Variants in UTP15 observed in about 807,000 individuals in gnomAD.
UTP15 encodes the protein U3 small nucleolar RNA-associated protein 15 homolog.
Under a neutral mutation model 59.1 loss-of-function variants are expected in UTP15, and 5 were observed. The ratio of observed to expected loss-of-function variants is 0.08; its 90% confidence interval spans 0.04 to 0.18. The LOEUF (loss-of-function observed/expected upper bound fraction) is 0.18. Among genes scored for constraint, UTP15 ranks in the 10% least tolerant of loss-of-function variants. UTP15 has a pLI of 1.00. For synonymous variants in UTP15, 211 were observed against 212.2 expected (o/e 0.99, Z 0.05); for missense variants, 494 against 616.7 (o/e 0.80, Z 2.11).
chr5:73,570,841 A>T, intron 6 of UTP15, 130 bp downstream of exon 6: 1 of 1,292,906 alleles, frequency 7.7e-7, no homozygotes. Flanking sequence ...AACAGTTGAT[A>T]GGTAGGACTG....
At position 73,565,750 on chromosome 5, in the gene UTP15, C is replaced by T. The variant is rs1310087676; in HGVS notation, c.-246C>T. ...TCATGAGCGTGCTCTGGTACGTCATCTTCGCGCGACGTTCGGTTCGCTGTG... is the reference window on the plus strand; with the variant it reads ...TCATGAGCGTGCTCTGGTACGTCATTTTCGCGCGACGTTCGGTTCGCTGTG... On this transcript the variant is annotated 5_prime_UTR_variant, in exon 1 of 13. Coordinates refer to ENST00000296792, the MANE Select transcript of UTP15 (RefSeq NM_032175.4). 14 of 456,092 alleles carry T rather than the reference C, an allele frequency of 3.1e-5. No homozygotes were observed. The Middle Eastern group carries it at 1.6e-3, about 53-fold the overall frequency. The allele number at this position is 456,092 out of a possible 1,614,324, so 28.3% of individuals were successfully genotyped here.
At position 73,565,755 on chromosome 5, in the gene UTP15, C is replaced by T. The variant is rs16870592; in HGVS notation, c.-241C>T. The T allele has an allele frequency of 0.03, 13,747 of 456,074 alleles. 1,578 individuals are homozygous for T. Among genetic ancestry groups the T allele is most frequent in the African/African-American group, 0.24 (12,147 of 50,080 alleles). The allele number at this position is 456,074 out of a possible 1,614,324, so 28.3% of individuals were successfully genotyped here. On this transcript the variant is annotated 5_prime_UTR_variant, in exon 1 of 13. Transcript: ENST00000296792. ...AGCGTGCTCTGGTACGTCATCTTCG[C>T]GCGACGTTCGGTTCGCTGTGTGTGT...
Position 73,565,903 on chromosome 5 carries a change from C to T in UTP15, c.-93C>T, listed in dbSNP as rs1211124827. 1 of 456,252 alleles carries T rather than the reference C, an allele frequency of 2.2e-6. No homozygotes were observed. Among genetic ancestry groups the T allele is most frequent in the Admixed American group, 2.3e-5 (1 of 42,586 alleles). 28.3% of individuals were successfully genotyped at this position (456,252 alleles called of 1,614,324 possible). A position where few individuals can be genotyped will look rare whatever the true frequency, so the allele number is the denominator to read the frequency against. On this transcript the variant is annotated 5_prime_UTR_variant, in exon 1 of 13. Transcript: ENST00000296792. Reference sequence around the variant, plus strand: ...AGGTGTCTCGTCGGACCCTTTGGGGCTCAGTGGAGGTAGGTGAAGGCGGCT... The same window carrying T: ...AGGTGTCTCGTCGGACCCTTTGGGGTTCAGTGGAGGTAGGTGAAGGCGGCT...
chr5:73,566,258 G>A (rs1747758859), intron 1 of UTP15: 1 of 211,348 alleles, frequency 4.7e-6, no homozygotes, highest in African/African-American at 2.3e-5. Context: ...CTATTTGGAT[G>A]TTAGGAGTGA....
At position 73,583,048 on chromosome 5, in the gene UTP15, G is replaced by A. The variant is rs2112068985; in HGVS notation, c.*2954G>A. Reference sequence around the variant, plus strand: ...TAAGTTGTTTAAAGGAATTTGAATTGTAAATGGGATTGTTAAAACAAATTT... The same window carrying A: ...TAAGTTGTTTAAAGGAATTTGAATTATAAATGGGATTGTTAAAACAAATTT... On this transcript the variant is annotated 3_prime_UTR_variant, in exon 13 of 13. Transcript: ENST00000296792. 1 of 152,304 alleles carries A rather than the reference G, an allele frequency of 6.6e-6. No homozygotes were observed. Among genetic ancestry groups the A allele is most frequent in the Non-Finnish European group, 1.5e-5 (1 of 68,032 alleles). 9.4% of individuals were successfully genotyped at this position (152,304 alleles called of 1,614,324 possible). A position where few individuals can be genotyped will look rare whatever the true frequency, so the allele number is the denominator to read the frequency against.
At chr5:73,575,540 A>ACTTT (rs139987868) in intron 7 of UTP15, among the ~76,000 whole-genome samples, 3 of 151,264 alleles carry the variant, frequency 2.0e-5, no homozygotes, top group East Asian at 1.9e-4. Context: ...CTTCATGTGT[A>ACTTT]CTTTCTTTCT....
intron 2 of UTP15, 93 bp downstream of exon 2, chr5:73,567,527 T>A: frequency 1.1e-6 from 1 of 890,220 alleles, no homozygotes; most frequent in Non-Finnish European, 1.7e-6. Flanking sequence ...CAGAGAATTA[T>A]TAACTGAAAA....
chr5:73,579,810 C>T (rs10942676), intron 12 of UTP15, 67 bp from the exon 13 acceptor site: 434,685 of 1,029,204 alleles, frequency 0.42, 96,451 homozygotes, highest in East Asian at 0.66. Flanking sequence ...CTTTTAAAAA[C>T]TTTTGCTTTT....
At position 73,568,434 on chromosome 5, in the gene UTP15, C is replaced by T; in HGVS notation, c.198C>T (p.Gly66=). The change falls in exon 4 of 13, where the codon GGC becomes GGT. Residue 66 remains glycine, a synonymous_variant. Transcript: ENST00000296792. ...VTASSRIHIY[G]RYSQEPIKTF... Reference sequence around the variant, plus strand: ...TCATCTTGTAGATTCACATTTATGGCCGATACTCCCAAGAACCTATAAAAA... The same window carrying T: ...TCATCTTGTAGATTCACATTTATGGTCGATACTCCCAAGAACCTATAAAAA... 6.2e-7 allele frequency: 1 copy of T among 1,608,794 alleles called. No individual in the cohort carries two copies. The highest frequency in any genetic ancestry group is 8.5e-7 in the Non-Finnish European group (1 of 1,177,308).
At chr5:73,570,375 A>C (rs959974124) in intron 5 of UTP15, among the ~76,000 whole-genome samples, 2 of 152,358 alleles carry the variant, frequency 1.3e-5, no homozygotes, top group Non-Finnish European at 1.5e-5. Context: ...TTAAGATCAG[A>C]GCAAGTTAGA....
intron 7 of UTP15, among the ~76,000 whole-genome samples, chr5:73,573,725 C>T (rs1748009133): frequency 6.6e-6 from 1 of 151,726 alleles, no homozygotes; most frequent in Non-Finnish European, 1.5e-5. Flanking sequence ...AGGCGCTTGC[C>T]ACCTTGCCCG....
chr5:73,569,563 A>T lies in UTP15; in HGVS notation c.435A>T (p.Thr145=). Residue 145 remains threonine (T), a synonymous_variant, in exon 5 of 13, where the codon ACA becomes ACT. Coordinates refer to ENST00000296792, the MANE Select transcript of UTP15 (RefSeq NM_032175.4). ...TGGTCTCTGGGGCTGATGATTATAC[A>T]GTTAAATTATGGGATATTCCAAACT... is the stretch of plus-strand genomic sequence containing the variant. ...YHVVSGADDY[T]VKLWDIPNSK... is the part of the protein sequence containing the mutation. 8 of 1,613,872 alleles carry T rather than the reference A, an allele frequency of 5.0e-6. No individual in the cohort carries two copies. The highest frequency in any genetic ancestry group is 6.8e-6 in the Non-Finnish European group (8 of 1,179,852).
chr5:73,579,207 A>T, intron 11 of UTP15, 57 bp downstream of exon 11: 1 of 1,607,764 alleles, frequency 6.2e-7, no homozygotes, highest in South Asian at 1.1e-5. Flanking sequence ...TTTATCACCA[A>T]ATAAAAGACA....
At chr5:73,573,772 C>T (rs1399723059) in intron 7 of UTP15, among the ~76,000 whole-genome samples, 3 of 151,450 alleles carry the variant, frequency 2.0e-5, no homozygotes, top group Non-Finnish European at 4.4e-5. Flanking sequence ...CAGAGTTTCG[C>T]CGTGATGGCC....
chr5:73,569,342 G>GT (rs2112040370), intron 4 of UTP15, among the ~76,000 whole-genome samples, 155 bp from the exon 5 acceptor site: 1 of 151,890 alleles, frequency 6.6e-6, no homozygotes, highest in African/African-American at 2.4e-5. Context: ...GCAAACACTT[G>GT]TAAGTTTTCT....
intron 12 of UTP15, among the ~76,000 whole-genome samples, chr5:73,579,618 G>A (rs1245436959): frequency 6.6e-6 from 1 of 152,044 alleles, no homozygotes; most frequent in South Asian, 2.1e-4. Context: ...CATCTATAAT[G>A]ACGATGACAA....
Position 73,568,180 on chromosome 5 carries a change from A to G in UTP15, c.91-55A>G, listed in dbSNP as rs369549870. On this transcript the variant is annotated intron_variant, in intron 2 of 12. Transcript: ENST00000296792. ...CGGTCTGTAAGAAATTATGTAATGC[A>G]TAAATAGGTCTTACCAGTGGTAACT... 70 of 1,310,500 alleles carry G rather than the reference A, an allele frequency of 5.3e-5. No individual in the cohort carries two copies. In the East Asian group the frequency reaches 7.3e-4, roughly 14 times the overall value. The allele number at this position is 1,310,500 out of a possible 1,614,324, so 81.2% of individuals were successfully genotyped here. A position where few individuals can be genotyped will look rare whatever the true frequency, so the allele number is the denominator to read the frequency against.
intron 1 of UTP15, 36 bp downstream of exon 1, chr5:73,565,948 A>G (rs1308179451): frequency 8.8e-6 from 4 of 453,482 alleles, no homozygotes; most frequent in South Asian, 1.6e-5. Context: ...GGAAGCCCAC[A>G]CTCACACCCG....
At chr5:73,578,190 T>G in intron 9 of UTP15, 185 bp downstream of exon 9, 1 of 563,622 alleles carries the variant, frequency 1.8e-6, no homozygotes, top group Non-Finnish European at 3.1e-6. Context: ...CAAGGACTAC[T>G]TTATGTAATA....
Sources: gnomAD v4.1 joint callset for allele counts (sites outside exome capture counted in the v4.1 genomes callset) on GRCh38, gnomAD v4.1.1 for gene constraint, MANE v1.5 for transcripts, NCBI Gene and HGNC (gene_info 2026-07-23, HGNC 2026-07-21) for gene names.